The following ADNP variants were observed in gnomAD, a reference collection of about 807,000 sequenced individuals.
The protein encoded by ADNP is activity dependent neuroprotector homeobox, also known as activity-dependent neuroprotector homeobox protein.
In ADNP, 4 loss-of-function variants were observed where a neutral mutation model predicts 84.9. That is an observed-to-expected ratio of 0.05 (90% CI 0.02 to 0.11). The LOEUF is 0.11. ADNP is among the 10% of genes least tolerant of loss of function. The pLI is 1.00. For synonymous variants in ADNP, 554 were observed against 468.1 expected, an observed-to-expected ratio of 1.18 and a Z score of -2.37; for missense variants, 1,132 against 1,326.0, an observed-to-expected ratio of 0.85 and a Z score of 2.27.
At chr20:50,902,462 C>CACCACTAA (rs1982082603) in intron 4 of ADNP, among the ~76,000 whole-genome samples, 5 of 152,096 alleles carry the variant, frequency 3.3e-5, no homozygotes, top group African/African-American at 1.2e-4. Context: ...TCTAAAATAG[C>CACCACTAA]AATGTTTGCT....
chr20:50,906,953 C>T (rs924351216), intron 2 of ADNP, among the ~76,000 whole-genome samples: 1 of 143,020 alleles, frequency 7.0e-6, no homozygotes, highest in African/African-American at 2.6e-5. Flanking sequence ...TTTTTTGAGA[C>T]AGGGTTCCAG....
chr20:50,898,837 T>G (rs1490731073), intron 5 of ADNP, among the ~76,000 whole-genome samples: 2 of 152,160 alleles, frequency 1.3e-5, no homozygotes, highest in African/African-American at 4.8e-5. Context: ...AGGAGTACAC[T>G]CTAAAATAAA....
At chr20:50,907,099 C>G (rs1381244568) in intron 2 of ADNP, among the ~76,000 whole-genome samples, 2 of 151,378 alleles carry the variant, frequency 1.3e-5, no homozygotes, top group African/African-American at 4.9e-5. Context: ...TCCTGAGTAG[C>G]TGGGACTACA....
rs1981102103 is a variant in ADNP at position 50,893,891 on chromosome 20, G to A, written c.823C>T (p.Pro275Ser). 1.2e-6 allele frequency: 2 copies of A among 1,614,054 alleles called. No individual in the cohort carries two copies. The highest frequency in any genetic ancestry group is 1.7e-6 in the Non-Finnish European group (2 of 1,180,034). The change falls in exon 6 of 6, where the codon CCT becomes TCT. Residue 275 changes from proline (P) to serine (S), a missense_variant. By Grantham distance (74) the Pro-to-Ser change is moderately conservative (BLOSUM62 -1). This residue lies in a region of ADNP where 239 missense variants were observed against 213.2 expected (regional missense o/e 1.12). Coordinates refer to ENST00000621696, the MANE Select transcript of ADNP (RefSeq NM_001282531.3). The surrounding 1 kb of genome is among the most constrained non-coding windows in gnomAD (Gnocchi z 4.4). ...SKPLMLIAPK[P>S]QDKKSMGLPP... is the part of the protein sequence containing the mutation. Reference sequence around the variant, plus strand: ...AGTCCCATGCTCTTCTTGTCTTGAGGTTTGGGAGCAATTAGCATCAAGGGT... The same window carrying A: ...AGTCCCATGCTCTTCTTGTCTTGAGATTTGGGAGCAATTAGCATCAAGGGT...
chr20:50,927,654 C>T (rs1426825156), intron 2 of ADNP, among the ~76,000 whole-genome samples: 2 of 152,086 alleles, frequency 1.3e-5, no homozygotes, highest in African/African-American at 4.8e-5. Context: ...CCTCAGCCTC[C>T]CAAAGTTTTG....
chr20:50,892,295 T>C lies in ADNP; in HGVS notation c.2419A>G (p.Lys807Glu). The change falls in exon 6 of 6, where the codon AAA (lysine) becomes GAA (glutamate). Residue 807 changes from lysine to glutamate, a missense_variant. Coordinates refer to ENST00000621696, the MANE Select transcript of ADNP (RefSeq NM_001282531.3). Reference protein sequence around the residue: ...KSDIASHFSNKRKKCVRDCEK... With the variant: ...KSDIASHFSNERKKCVRDCEK... The stretch of plus-strand genomic sequence containing the variant: ...CAATCACGGACACACTTCTTCCTTT[T>C]GTTACTAAAATGGGAAGCGATGTCA... 6.2e-7 allele frequency: 1 copy of C among 1,614,200 alleles called. No individual in the cohort carries two copies. The highest frequency in any genetic ancestry group is 2.2e-5 in the East Asian group (1 of 44,880).
At position 50,904,783 on chromosome 20, in the gene ADNP, A is replaced by C. The variant is rs570601086; in HGVS notation, c.-23T>G. 1 of 152,326 alleles carries C rather than the reference A, an allele frequency of 6.6e-6. No individual in the cohort carries two copies. Among genetic ancestry groups the C allele is most frequent in the East Asian group, 1.9e-4 (1 of 5,184 alleles). 9.4% of individuals were successfully genotyped at this position (152,326 alleles called of 1,614,324 possible). ...ATGCTTACCAGTTCATCATCATTAC[A>C]GTTTTGAGTGCCAGGGTAAAGAGGT... is the stretch of plus-strand genomic sequence containing the variant. On this transcript the variant is annotated 5_prime_UTR_variant, in exon 3 of 6. Transcript: ENST00000621696.
intron 2 of ADNP, among the ~76,000 whole-genome samples, chr20:50,919,740 T>C (rs2122964935): frequency 1.3e-5 from 2 of 152,330 alleles, no homozygotes; most frequent in South Asian, 4.1e-4. Flanking sequence ...AAAAGACTTC[T>C]GGCGCAGTTC....
At chr20:50,904,174 T>C (rs1409853214) in intron 3 of ADNP, 173 bp from the exon 4 acceptor site, 15 of 592,448 alleles carry the variant, frequency 2.5e-5, no homozygotes, top group Middle Eastern at 4.5e-4. Flanking sequence ...TGCATATGGC[T>C]TGATATATCC....
chr20:50,905,979 G>A (rs543562298), intron 2 of ADNP, among the ~76,000 whole-genome samples: 9 of 152,248 alleles, frequency 5.9e-5, no homozygotes, highest in African/African-American at 1.4e-4. Context: ...TTAGGAGGCC[G>A]AGGAGGGCAG....
chr20:50,920,743 AAAG>A (rs1983906081), intron 2 of ADNP, among the ~76,000 whole-genome samples: 1 of 152,176 alleles, frequency 6.6e-6, no homozygotes, highest in South Asian at 2.1e-4. Context: ...AACGAGGGGA[AAAG>A]AAAAGGTTCA....
At chr20:50,930,563 G>T (rs1413182758) in intron 1 of ADNP, among the ~76,000 whole-genome samples, 2 of 152,146 alleles carry the variant, frequency 1.3e-5, no homozygotes, top group African/African-American at 4.8e-5. Context: ...GGCCTCGGTG[G>T]GCTCACAGGG....
chr20:50,929,200 T>G (rs186743905), intron 1 of ADNP, among the ~76,000 whole-genome samples: 1 of 152,304 alleles, frequency 6.6e-6, no homozygotes, highest in African/African-American at 2.4e-5. Flanking sequence ...ACCTTCTCCT[T>G]TACCACCAGA....
intron 2 of ADNP, among the ~76,000 whole-genome samples, chr20:50,906,178 C>A (rs1385622848): frequency 6.6e-6 from 1 of 152,210 alleles, no homozygotes; most frequent in African/African-American, 2.4e-5. Flanking sequence ...CACCACTGCA[C>A]TCCAGCATGG....
chr20:50,926,737 G>A (rs1984314124), intron 2 of ADNP, among the ~76,000 whole-genome samples: 1 of 152,066 alleles, frequency 6.6e-6, no homozygotes, highest in African/African-American at 2.4e-5. Flanking sequence ...AGTGACCTAG[G>A]TCTATTGCAA....
intron 2 of ADNP, among the ~76,000 whole-genome samples, chr20:50,906,854 A>G (rs1273465227): frequency 6.6e-6 from 1 of 152,220 alleles, no homozygotes; most frequent in Non-Finnish European, 1.5e-5. Flanking sequence ...AGGCTTATAA[A>G]TAAAGCAGTG....
chr20:50,909,061 G>A (rs1455844143), intron 2 of ADNP, among the ~76,000 whole-genome samples: 2 of 149,996 alleles, frequency 1.3e-5, no homozygotes, highest in East Asian at 2.0e-4. Flanking sequence ...GCCTCATTAG[G>A]ATGGCCATTA....
intron 5 of ADNP, among the ~76,000 whole-genome samples, chr20:50,896,610 A>G (rs553348461): frequency 3.3e-4 from 50 of 152,324 alleles, no homozygotes; most frequent in Admixed American, 8.5e-4. Context: ...AAGCTAAGAC[A>G]CAAACGCATA....
chr20:50,925,732 G>A (rs1283163578), intron 2 of ADNP, among the ~76,000 whole-genome samples: 2 of 152,216 alleles, frequency 1.3e-5, no homozygotes, highest in East Asian at 1.9e-4. Flanking sequence ...TAACAACATA[G>A]AAGGTGTTAA....
Sources: allele counts gnomAD v4.1 joint callset (sites outside exome capture counted in the v4.1 genomes callset), GRCh38; gene constraint gnomAD v4.1.1; regional missense constraint gnomAD v4.1.1; non-coding constraint Gnocchi (gnomAD v3.1); transcripts MANE v1.5; gene names NCBI Gene and HGNC (gene_info 2026-07-23, HGNC 2026-07-21).